Variants in GRAMD4 observed in about 807,000 individuals in gnomAD.
GRAMD4 encodes GRAM domain-containing protein 4.
A neutral mutation model predicts 83.9 loss-of-function variants in GRAMD4; 25 were observed. That is an observed-to-expected ratio of 0.30 (90% CI 0.22 to 0.42). The LOEUF (loss-of-function observed/expected upper bound fraction) is 0.42. GRAMD4 is among the 10% of genes least tolerant of loss of function. The pLI, the probability that GRAMD4 is intolerant of heterozygous loss-of-function variation, is 1.00. For synonymous variants in GRAMD4, 336 were observed against 320.9 expected (o/e 1.05, Z -0.50); for missense variants, 593 against 788.7 (o/e 0.75, Z 2.97).
At chr22:46,626,674 T>G in intron 1 of GRAMD4, 77 bp from the exon 2 acceptor site, 2 of 865,310 alleles carry the variant, frequency 2.3e-6, no homozygotes, top group African/African-American at 2.0e-5. Context: ...CTGGACCGGC[T>G]GTGCCCTGTG....
chr22:46,638,257 C>A (rs1398184568), intron 3 of GRAMD4, among the ~76,000 whole-genome samples: 2 of 152,246 alleles, frequency 1.3e-5, no homozygotes, highest in African/African-American at 4.8e-5. Flanking sequence ...AGGAGAGTCT[C>A]TGGGGAAAAG....
intron 3 of GRAMD4, among the ~76,000 whole-genome samples, chr22:46,651,759 G>A (rs981802852): frequency 6.6e-6 from 1 of 152,220 alleles, no homozygotes; most frequent in Non-Finnish European, 1.5e-5. Flanking sequence ...GGTTTAGAGA[G>A]GCTCGGTGTG....
chr22:46,611,928 C>T (rs542355288), intron 1 of GRAMD4, among the ~76,000 whole-genome samples: 37 of 132,352 alleles, frequency 2.8e-4, no homozygotes, highest in Non-Finnish European at 4.3e-4. Flanking sequence ...ACCCGGGAAG[C>T]GGAGCTTGCA....
chr22:46,578,212 A>G (rs1212045708), intron 1 of GRAMD4, among the ~76,000 whole-genome samples: 3 of 152,164 alleles, frequency 2.0e-5, no homozygotes, highest in African/African-American at 7.2e-5. Context: ...TGGGTTAGGA[A>G]GAAAATTCAG....
Position 46,665,759 on chromosome 22 carries a change from G to GCTGT in GRAMD4, c.809+56_809+59dup, listed in dbSNP as rs1364215939. On this transcript the variant is annotated intron_variant, in intron 9 of 18. Coordinates refer to ENST00000406902, the MANE Select transcript of GRAMD4 (RefSeq NM_015124.5). ...TTTATCCCACCGCATGTATGGCTGT[G>GCTGT]CTGTCTCCCTGCGTCTCACAACCGT... The GCTGT allele has an allele frequency of 1.4e-5, 14 of 970,318 alleles. No homozygotes were observed. The African/African-American group carries it at 2.2e-4, about 15-fold the overall frequency. The allele number at this position is 970,318 out of a possible 1,614,324, so 60.1% of individuals were successfully genotyped here. A position where few individuals can be genotyped will look rare whatever the true frequency, so the allele number is the denominator to read the frequency against.
At chr22:46,673,966 G>A (rs2082554580) in intron 15 of GRAMD4, 152 bp downstream of exon 15, 3 of 877,858 alleles carry the variant, frequency 3.4e-6, no homozygotes, top group African/African-American at 3.3e-5. Flanking sequence ...CAGGAGGAGT[G>A]CAGGAGCCAG....
At chr22:46,594,232 T>C (rs1944304651) in intron 1 of GRAMD4, among the ~76,000 whole-genome samples, 1 of 151,666 alleles carries the variant, frequency 6.6e-6, no homozygotes, top group Non-Finnish European at 1.5e-5. Context: ...CACCACCCTA[T>C]GCACACCTTT....
At chr22:46,645,575 T>C (rs1366968170) in intron 3 of GRAMD4, among the ~76,000 whole-genome samples, 1 of 152,140 alleles carries the variant, frequency 6.6e-6, no homozygotes, top group East Asian at 1.9e-4. Context: ...CACTCAATTA[T>C]CTATAGTGCT....
Position 46,630,899 on chromosome 22 carries a change from C to T in GRAMD4, c.162+3938C>T, listed in dbSNP as rs5769045. 2.6e-3 allele frequency among the ~76,000 whole-genome samples: 228 copies of T among 88,540 alleles called. 9 individuals are homozygous for T. The highest frequency in any genetic ancestry group is 3.2e-3 in the South Asian group (9 of 2,854). 58.1% of individuals were successfully genotyped at this position (88,540 alleles called of 152,430 possible). ...GGCCGTGTGCCCTCACCCCGGCCTC[C>T]GCAGTGTGCCCTCCATAGCTCCCTC... On this transcript the variant is annotated intron_variant, in intron 2 of 18. Coordinates refer to ENST00000406902, the MANE Select transcript of GRAMD4 (RefSeq NM_015124.5).
chr22:46,626,166 C>T (rs1415886358), intron 1 of GRAMD4, among the ~76,000 whole-genome samples: 1 of 151,802 alleles, frequency 6.6e-6, no homozygotes, highest in Non-Finnish European at 1.5e-5. Flanking sequence ...AGGTGGGACA[C>T]AAGGCCAGGT....
chr22:46,579,792 C>T (rs575430186), intron 1 of GRAMD4, among the ~76,000 whole-genome samples: 4 of 152,248 alleles, frequency 2.6e-5, no homozygotes, highest in East Asian at 1.9e-4. Context: ...GACAGGGCTC[C>T]GGCCAGGGGC....
At chr22:46,637,799 C>G (rs759450168) in intron 2 of GRAMD4, 41 bp from the exon 3 acceptor site, 2 of 1,609,920 alleles carry the variant, frequency 1.2e-6, no homozygotes, top group Non-Finnish European at 1.7e-6. Context: ...ACCCAGGGTG[C>G]CACAGGTGGC....
upstream of GRAMD4, among the ~76,000 whole-genome samples, chr22:46,619,840 G>C (rs1023002099): frequency 1.3e-5 from 2 of 152,212 alleles, no homozygotes; most frequent in Non-Finnish European, 2.9e-5. Context: ...CCACTGCAGT[G>C]GGGGTGGGGG....
At chr22:46,674,447 C>T (rs923090113) in intron 15 of GRAMD4, among the ~76,000 whole-genome samples, 4 of 152,206 alleles carry the variant, frequency 2.6e-5, no homozygotes, top group Admixed American at 6.5e-5. Context: ...CTTTAAAAAC[C>T]CTGCCAGTGC....
In GRAMD4 at chr22:46,675,584, C is replaced by A. The variant is rs771427876; in HGVS notation, c.1563+32C>A. 3.6e-6 allele frequency: 5 copies of A among 1,385,564 alleles called. No individual in the cohort carries two copies. The South Asian group carries it at 5.8e-5, about 16-fold the overall frequency. 85.8% of individuals were successfully genotyped at this position (1,385,564 alleles called of 1,614,324 possible). A position where few individuals can be genotyped will look rare whatever the true frequency, so the allele number is the denominator to read the frequency against. On this transcript the variant is annotated intron_variant, in intron 17 of 18. Transcript: ENST00000406902. Reference sequence around the variant, plus strand: ...GCACCTACCCACCCCCACTAACCCCCGTGTTTTCTTCGTCACCTGACAGAG... The same window carrying A: ...GCACCTACCCACCCCCACTAACCCCAGTGTTTTCTTCGTCACCTGACAGAG...
rs181651443 is a variant in GRAMD4 at position 46,625,460 on chromosome 22, G to A, written c.-49-1291G>A. Among the ~76,000 whole-genome samples, 192 of 152,336 alleles carry A rather than the reference G, an allele frequency of 1.3e-3. 3 individuals are homozygous for A. The East Asian group carries it at 0.018, about 14-fold the overall frequency. The stretch of plus-strand genomic sequence containing the variant: ...AGCAGGAAGTTTGGGAAATACCCCC[G>A]CCAGGGATCACTCCCCGCCCCATCT... On this transcript the variant is annotated intron_variant, in intron 1 of 18. Transcript: ENST00000406902.
chr22:46,681,404 G>A (rs145090631), downstream of GRAMD4, among the ~76,000 whole-genome samples: 5 of 152,370 alleles, frequency 3.3e-5, no homozygotes, highest in East Asian at 3.9e-4. Flanking sequence ...CACCATTTAC[G>A]GGTGATTGTG....
At chr22:46,613,457 C>A (rs1207411506) in intron 1 of GRAMD4, among the ~76,000 whole-genome samples, 1 of 152,256 alleles carries the variant, frequency 6.6e-6, no homozygotes, top group Non-Finnish European at 1.5e-5. Flanking sequence ...AGGATGCAAC[C>A]CCTAGCCCCG....
downstream of GRAMD4, chr22:46,682,374 TA>T: frequency 1.1e-6 from 1 of 949,478 alleles, no homozygotes; most frequent in Non-Finnish European, 1.3e-6. Context: ...TTACTATCTG[TA>T]AATGATATGA....
Sources: gnomAD v4.1 joint callset for allele counts (sites outside exome capture counted in the v4.1 genomes callset) on GRCh38, gnomAD v4.1.1 for gene constraint, MANE v1.5 for transcripts, NCBI Gene and HGNC (gene_info 2026-07-23, HGNC 2026-07-21) for gene names.